The following MAPKAPK2 variants were observed in gnomAD, a reference collection of about 807,000 sequenced individuals.
MAPKAPK2 encodes the protein MAP kinase-activated protein kinase 2.
MAPKAPK2 carries 9 observed loss-of-function variants against 48.8 expected under a neutral mutation model. That is an observed-to-expected ratio of 0.18 (90% confidence interval 0.11 to 0.32). The LOEUF (loss-of-function observed/expected upper bound fraction) is 0.32, where lower values mean the gene tolerates loss of function less well. MAPKAPK2 is among the 10% of genes least tolerant of loss of function. The probability of loss-of-function intolerance (pLI) is 1.00; values close to 1 mark genes in which losing one functional copy is unlikely to be tolerated. For missense variants in MAPKAPK2, 331 were observed against 498.3 expected (o/e 0.66, Z 3.20); for synonymous variants, 202 against 190.6 (o/e 1.06, Z -0.49).
At chr1:206,719,060 A>G (rs1249515378) in intron 1 of MAPKAPK2, among the ~76,000 whole-genome samples, 2 of 152,106 alleles carry the variant, frequency 1.3e-5, no homozygotes, top group African/African-American at 4.8e-5. Context: ...AGTGTCTTCC[A>G]TTCAGCCATC....
In MAPKAPK2 at chr1:206,704,637, T is replaced by A. The variant is rs1020895087; in HGVS notation, c.279+19129T>A. Among the ~76,000 whole-genome samples, 1 of 152,238 alleles carries A rather than the reference T, an allele frequency of 6.6e-6. No homozygotes were observed. The highest frequency in any genetic ancestry group is 2.4e-5 in the African/African-American group (1 of 41,456). ...AGCACACATGATCTGCAGTCAAGGTTGACTTGAGGGTGTGCATGGGTTCAG... is the reference window on the plus strand; with the variant it reads ...AGCACACATGATCTGCAGTCAAGGTAGACTTGAGGGTGTGCATGGGTTCAG... On this transcript the variant is annotated intron_variant, in intron 1 of 9. Coordinates refer to ENST00000367103, the MANE Select transcript of MAPKAPK2 (RefSeq NM_032960.4). The surrounding 1 kb of genome is among the most constrained non-coding windows in gnomAD (Gnocchi z 4.3).
At chr1:206,728,592 G>T (rs1482697879) in intron 1 of MAPKAPK2, 118 bp from the exon 2 acceptor site, 19 of 1,129,550 alleles carry the variant, frequency 1.7e-5, no homozygotes, top group Non-Finnish European at 2.2e-5. Flanking sequence ...TGGTGGGGGG[G>T]GCCAGCAGGA....
rs552652647 is a variant in MAPKAPK2 at position 206,695,996 on chromosome 1, G to A, written c.279+10488G>A. 2.9e-4 allele frequency: 222 copies of A among 762,114 alleles called. 2 individuals are homozygous for A. The South Asian group carries it at 3.0e-3, about 10-fold the overall frequency. 47.2% of individuals were successfully genotyped at this position (762,114 alleles called of 1,614,324 possible). A position where few individuals can be genotyped will look rare whatever the true frequency, so the allele number is the denominator to read the frequency against. ...TACTTCCTCCTATGGCTCGGAGTTC[G>A]ATGTGTAGGGCAGTGATACCCAGCT... On this transcript the variant is annotated intron_variant, in intron 1 of 9. Coordinates refer to ENST00000367103, the MANE Select transcript of MAPKAPK2 (RefSeq NM_032960.4).
At chr1:206,709,999 A>C (rs1673088049) in intron 1 of MAPKAPK2, among the ~76,000 whole-genome samples, 1 of 152,200 alleles carries the variant, frequency 6.6e-6, no homozygotes, top group South Asian at 2.1e-4. Context: ...CCGAGAAAAA[A>C]TTTAAACAAT....
intron 1 of MAPKAPK2, among the ~76,000 whole-genome samples, chr1:206,698,590 A>G (rs1466184680): frequency 6.6e-6 from 1 of 152,252 alleles, no homozygotes; most frequent in Non-Finnish European, 1.5e-5. Flanking sequence ...CCAGATTAAT[A>G]ACAAGTCTTT....
At chr1:206,712,115 G>A (rs960763595) in intron 1 of MAPKAPK2, among the ~76,000 whole-genome samples, 1 of 152,172 alleles carries the variant, frequency 6.6e-6, no homozygotes, top group Admixed American at 6.5e-5. Context: ...TGAACTTGGG[G>A]CAGTGTAATT....
At chr1:206,693,813 C>T (rs1672528886) in intron 1 of MAPKAPK2, among the ~76,000 whole-genome samples, 1 of 152,216 alleles carries the variant, frequency 6.6e-6, no homozygotes. Context: ...CTACCACATT[C>T]AAAAGTGTGA....
Position 206,731,197 on chromosome 1 carries a change from A to C in MAPKAPK2, c.827A>C (p.Lys276Thr). The change falls in exon 7 of 10, where the codon AAG becomes ACG. Residue 276 changes from lysine to threonine, a missense_variant. Physicochemically the swap from Lys to Thr is moderately conservative, Grantham distance 78. Around this residue, in one of 4 missense-constraint regions of MAPKAPK2, gnomAD observed 124 missense variants for 194.6 expected, o/e 0.64. Coordinates refer to ENST00000367103, the MANE Select transcript of MAPKAPK2 (RefSeq NM_032960.4). The surrounding 1 kb of genome is among the most constrained non-coding windows in gnomAD (Gnocchi z 5.9). ...GGCCTTGCCATCTCTCCGGGCATGA[A>C]GACTCGCATCCGAATGGGCCAGTAT... Reference protein sequence around the residue: ...NHGLAISPGMKTRIRMGQYEF... With the variant: ...NHGLAISPGMTTRIRMGQYEF... 1 of 1,614,142 alleles carries C rather than the reference A, an allele frequency of 6.2e-7. No individual in the cohort carries two copies. The highest frequency in any genetic ancestry group is 8.5e-7 in the Non-Finnish European group (1 of 1,180,024).
At chr1:206,730,788 G>C (rs1390500777) in intron 6 of MAPKAPK2, 25 bp downstream of exon 6, 3 of 1,513,046 alleles carry the variant, frequency 2.0e-6, no homozygotes, top group Non-Finnish European at 2.8e-6. Flanking sequence ...GAGGGGGCTG[G>C]GTGGGGCAGG....
rs1277577091 is a variant in MAPKAPK2 at position 206,685,392 on chromosome 1, A to C, written c.163A>C (p.Lys55Gln). ...QFHVKSGLQIKKNAIIDDYKV... is the reference protein window; with the variant it reads ...QFHVKSGLQIQKNAIIDDYKV... ...CCACGTCAAGTCCGGCCTGCAGATCAAGAAGAACGCCATCATCGATGACTA... is the reference window on the plus strand; with the variant it reads ...CCACGTCAAGTCCGGCCTGCAGATCCAGAAGAACGCCATCATCGATGACTA... Residue 55 changes from lysine (K) to glutamine (Q), a missense_variant, in exon 1 of 10, where the codon AAG becomes CAG. Lys to Gln is a moderately conservative substitution (Grantham distance 53). This residue lies in a region of MAPKAPK2 where 93 missense variants were observed against 81.0 expected (regional missense o/e 1.15). Coordinates refer to ENST00000367103, the MANE Select transcript of MAPKAPK2 (RefSeq NM_032960.4). The C allele has an allele frequency of 6.5e-7, 1 of 1,531,562 alleles. No homozygotes were observed. Among genetic ancestry groups the C allele is most frequent in the African/African-American group, 1.4e-5 (1 of 69,518 alleles). 94.9% of individuals were successfully genotyped at this position (1,531,562 alleles called of 1,614,324 possible). A position where few individuals can be genotyped will look rare whatever the true frequency, so the allele number is the denominator to read the frequency against.
intron 1 of MAPKAPK2, among the ~76,000 whole-genome samples, chr1:206,716,552 A>G (rs554298199): frequency 2.7e-5 from 4 of 150,056 alleles, no homozygotes; most frequent in Non-Finnish European, 5.9e-5. Context: ...TTCTCTGTCA[A>G]CTCTCCTCCA....
intron 1 of MAPKAPK2, among the ~76,000 whole-genome samples, chr1:206,688,779 C>T (rs1044029814): frequency 2.6e-5 from 4 of 152,134 alleles, no homozygotes; most frequent in Non-Finnish European, 5.9e-5. Context: ...GGACTACAGG[C>T]GCCCGTCACC....
In MAPKAPK2 at chr1:206,730,749, C is replaced by T. The variant is rs781914844; in HGVS notation, c.753C>T (p.Val251=). 1.6e-5 allele frequency: 15 copies of T among 946,428 alleles called. No individual in the cohort carries two copies. The highest frequency in any genetic ancestry group is 2.4e-5 in the Non-Finnish European group (15 of 636,540). 58.6% of individuals were successfully genotyped at this position (946,428 alleles called of 1,614,324 possible). A position where few individuals can be genotyped will look rare whatever the true frequency, so the allele number is the denominator to read the frequency against. The stretch of plus-strand genomic sequence containing the variant: ...CCTGTGACATGTGGTCCCTGGGTGT[C>T]ATCATGTACATCCTGTGAGTGTGCT... The part of the protein sequence containing the change: ...DKSCDMWSLG[V]IMYILLCGYP... The change falls in exon 6 of 10, where the codon GTC becomes GTT. Residue 251 remains valine, a synonymous_variant. Transcript: ENST00000367103.
intron 1 of MAPKAPK2, among the ~76,000 whole-genome samples, chr1:206,697,533 TG>T (rs1186859136): frequency 6.7e-6 from 1 of 149,066 alleles, no homozygotes; most frequent in Non-Finnish European, 1.5e-5. Context: ...AGAGGGAGCA[TG>T]GGGGTGGGGG....
chr1:206,730,132 T>C (rs1464929253), intron 5 of MAPKAPK2, 34 bp downstream of exon 5: 1 of 1,612,088 alleles, frequency 6.2e-7, no homozygotes, highest in African/African-American at 1.3e-5. Context: ...ACCTAGGCTT[T>C]TCCCAGAACT....
chr1:206,718,673 A>T (rs541624286), intron 1 of MAPKAPK2, among the ~76,000 whole-genome samples: 55 of 152,196 alleles, frequency 3.6e-4, no homozygotes, highest in Admixed American at 6.5e-4. Context: ...TTCTTCTACG[A>T]CACCGCACGT....
At chr1:206,719,072 G>A (rs1673433121) in intron 1 of MAPKAPK2, among the ~76,000 whole-genome samples, 1 of 152,076 alleles carries the variant, frequency 6.6e-6, no homozygotes, top group African/African-American at 2.4e-5. Flanking sequence ...TCAGCCATCT[G>A]TGTTTCTCTT....
intron 1 of MAPKAPK2, among the ~76,000 whole-genome samples, chr1:206,693,665 T>C (rs952545696): frequency 6.6e-6 from 1 of 152,220 alleles, no homozygotes; most frequent in African/African-American, 2.4e-5. Flanking sequence ...ACCATAGTTA[T>C]ATGCTAGGAC....
At chr1:206,695,817 G>T in intron 1 of MAPKAPK2, 15 of 333,772 alleles carry the variant, frequency 4.5e-5, no homozygotes, top group Non-Finnish European at 6.1e-5. Flanking sequence ...GAAAATATTT[G>T]AGGAGTCCTG....
Sources: allele counts gnomAD v4.1 joint callset (sites outside exome capture counted in the v4.1 genomes callset), GRCh38; gene constraint gnomAD v4.1.1; regional missense constraint gnomAD v4.1.1; non-coding constraint Gnocchi (gnomAD v3.1); transcripts MANE v1.5; gene names NCBI Gene and HGNC (gene_info 2026-07-23, HGNC 2026-07-21).